The following PROSER1 variants were observed in gnomAD, a reference collection of about 807,000 sequenced individuals.
The protein encoded by PROSER1 is proline and serine-rich protein 1.
In PROSER1, 36 loss-of-function variants were observed where a neutral mutation model predicts 71.8. The observed-to-expected ratio is 0.50, with a 90% CI of 0.38 to 0.66. The LOEUF is 0.66. PROSER1 is among the 30% of genes least tolerant of loss of function. PROSER1 has a pLI of 0.00. For synonymous variants in PROSER1, 490 were observed against 452.4 expected (o/e 1.08, Z -1.06); for missense variants, 1,107 against 1,135.0 (o/e 0.98, Z 0.35).
chr13:39,019,319 T>G (rs1430402436), intron 9 of PROSER1, among the ~76,000 whole-genome samples: 2 of 146,522 alleles, frequency 1.4e-5, no homozygotes, highest in African/African-American at 5.1e-5. Context: ...CTGACTAATG[T>G]GGAGAAACCC....
At chr13:39,012,288 G>C in intron 11 of PROSER1, 55 bp from the exon 12 acceptor site, 1 of 1,526,620 alleles carries the variant, frequency 6.6e-7, no homozygotes, top group Non-Finnish European at 9.0e-7. Flanking sequence ...AAAAGCTACT[G>C]TTTCCATATT....
chr13:39,014,476 G>A lies in PROSER1; in HGVS notation c.776C>T (p.Thr259Ile). The part of the protein sequence containing the change: ...SNPSKPIQNQ[T>I]FSTPASQLFS... ...GAGTTGACTTGCTGGGGTGGAAAAT[G>A]CTATATGGAAGGGGGAAAAAAGGCA... Residue 259 changes from threonine to isoleucine, a missense_variant and splice_region_variant, in exon 11 of 13, where the codon ACA becomes ATA. By Grantham distance (89) the Thr-to-Ile change is moderately conservative. Coordinates refer to ENST00000352251, the MANE Select transcript of PROSER1 (RefSeq NM_025138.5). The A allele has an allele frequency of 1.3e-6, 2 of 1,599,420 alleles. No individual in the cohort carries two copies. Among genetic ancestry groups the A allele is most frequent in the South Asian group, 1.1e-5 (1 of 89,966 alleles).
At chr13:39,015,041 C>T (rs939490970) in intron 10 of PROSER1, among the ~76,000 whole-genome samples, 8 of 152,136 alleles carry the variant, frequency 5.3e-5, no homozygotes, top group Non-Finnish European at 1.2e-4. Flanking sequence ...CCGCTCTACA[C>T]TACATTAACC....
At position 39,013,927 on chromosome 13, in the gene PROSER1, C is replaced by T. The variant is rs774065692; in HGVS notation, c.1325G>A (p.Gly442Asp). Residue 442 changes from glycine to aspartate, a missense_variant, in exon 11 of 13, where the codon GGC becomes GAC. Gly to Asp is a moderately conservative substitution (Grantham distance 94, BLOSUM62 -1). Transcript: ENST00000352251. The part of the protein sequence containing the change: ...LPLPLPPTSQ[G>D]LSNPTPVIAG... Reference sequence around the variant, plus strand: ...AATTACAGGAGTCGGGTTGGATAGGCCTTGGGATGTTGGTGGTAAGGGCAA... The same window carrying T: ...AATTACAGGAGTCGGGTTGGATAGGTCTTGGGATGTTGGTGGTAAGGGCAA... 6.2e-7 allele frequency: 1 copy of T among 1,614,052 alleles called. No homozygotes were observed. The highest frequency in any genetic ancestry group is 1.1e-5 in the South Asian group (1 of 91,086).
chr13:39,013,065 T>G lies in PROSER1; in HGVS notation c.2187A>C (p.Ser729=), dbSNP rs1224783915. 15 of 1,613,876 alleles carry G rather than the reference T, an allele frequency of 9.3e-6. No homozygotes were observed. The East Asian group carries it at 1.1e-4, about 12-fold the overall frequency. The change falls in exon 11 of 13, where the codon TCA becomes TCC. Residue 729 remains serine (S), a synonymous_variant. Transcript: ENST00000352251. ...GAGATGTGGAGGTGGCAGCGGTAGA[T>G]GAGGTGGCTATTAATGACCCTGGGA... ...VSLPGSLIAT[S]STAATSTSLP...
chr13:39,017,722 C>T, intron 9 of PROSER1, 178 bp from the exon 10 acceptor site: 1 of 513,492 alleles, frequency 1.9e-6, no homozygotes. Context: ...ACTATTATTA[C>T]TACTAATACT....
At position 39,037,198 on chromosome 13, in the gene PROSER1, C is replaced by T; in HGVS notation, c.45G>A (p.Lys15=). 1 of 1,601,032 alleles carries T rather than the reference C, an allele frequency of 6.2e-7. No individual in the cohort carries two copies. The highest frequency in any genetic ancestry group is 1.1e-5 in the South Asian group (1 of 90,784). The change falls in exon 1 of 13, where the codon AAG becomes AAA. Residue 15 remains lysine, a splice_region_variant and synonymous_variant. Transcript: ENST00000352251. Reference sequence around the variant, plus strand: ...TAATTCATGGAATCGGTCTAATTACCTTTCTAATTTCATCCAGCACCATTT... The same window carrying T: ...TAATTCATGGAATCGGTCTAATTACTTTTCTAATTTCATCCAGCACCATTT... The part of the protein sequence containing the change: ...SFEMVLDEIR[K]AVLTEYKLKA...
In PROSER1 at chr13:39,023,134, A is replaced by T; in HGVS notation, c.565-4T>A. The T allele has an allele frequency of 6.2e-7, 1 of 1,609,086 alleles. No individual in the cohort carries two copies. Among genetic ancestry groups the T allele is most frequent in the Non-Finnish European group, 8.5e-7 (1 of 1,175,694 alleles). ...GTGGATTATATGTTGAAGGAGGCTA[A>T]AACATGGGGGAAAATACAGCAGTTA... On this transcript the variant is annotated splice_polypyrimidine_tract_variant and splice_region_variant and intron_variant, in intron 7 of 12. Transcript: ENST00000352251.
intron 1 of PROSER1, among the ~76,000 whole-genome samples, chr13:39,036,828 GTATTACC>G (rs1257976298): frequency 6.6e-6 from 1 of 152,120 alleles, no homozygotes; most frequent in Non-Finnish European, 1.5e-5. Context: ...AACTTTCTGC[GTATTACC>G]TCTCGTTTTC....
intron 3 of PROSER1, among the ~76,000 whole-genome samples, 157 bp from the exon 4 acceptor site, chr13:39,029,532 CAATA>C (rs939347103): frequency 1.3e-5 from 2 of 152,152 alleles, no homozygotes; most frequent in African/African-American, 4.8e-5. Flanking sequence ...AAAGTTCTAA[CAATA>C]AATGAATTAT....
chr13:39,024,091 AATC>A (rs1413887799), intron 7 of PROSER1, among the ~76,000 whole-genome samples: 1 of 151,984 alleles, frequency 6.6e-6, no homozygotes, highest in Non-Finnish European at 1.5e-5. Context: ...TTTACATTGC[AATC>A]ATTATAATCA....
intron 11 of PROSER1, 87 bp downstream of exon 11, chr13:39,012,604 G>C (rs1593523911): frequency 2.8e-6 from 3 of 1,087,704 alleles, no homozygotes; most frequent in South Asian, 1.6e-5. Flanking sequence ...TTTAGATTTT[G>C]ACATTCATTT....
intron 7 of PROSER1, chr13:39,023,410 A>C: frequency 3.8e-6 from 1 of 263,652 alleles, no homozygotes; most frequent in Non-Finnish European, 7.2e-6. Flanking sequence ...TAAACAGCAA[A>C]CTCCTCCCAG....
At position 39,012,095 on chromosome 13, in the gene PROSER1, T is replaced by C; in HGVS notation, c.2700A>G (p.Ala900=). The C allele has an allele frequency of 6.2e-7, 1 of 1,613,642 alleles. No individual in the cohort carries two copies. The highest frequency in any genetic ancestry group is 1.3e-5 in the African/African-American group (1 of 75,036). ...CATTGCTGCTTACCTGCTGTAACAA[T>C]GCTGACTGCGCAGCCGCATTATGCT... ...ELQHNAAAQS[A]LLQQVHSASA... Residue 900 remains alanine, a synonymous_variant, in exon 12 of 13, where the codon GCA becomes GCG. Transcript: ENST00000352251.
At chr13:39,017,679 T>C in intron 9 of PROSER1, 135 bp from the exon 10 acceptor site, 1 of 575,016 alleles carries the variant, frequency 1.7e-6, no homozygotes, top group Non-Finnish European at 3.0e-6. Context: ...AATGTACACA[T>C]ATGGGAAAAT....
At chr13:39,036,884 C>A (rs1433935986) in intron 1 of PROSER1, among the ~76,000 whole-genome samples, 4 of 152,112 alleles carry the variant, frequency 2.6e-5, no homozygotes, top group Non-Finnish European at 5.9e-5. Context: ...GCAATAAACT[C>A]AAAAATATTA....
Position 39,017,544 on chromosome 13 carries a change from T to C in PROSER1, c.731A>G (p.Glu244Gly). The C allele has an allele frequency of 6.9e-7, 1 of 1,459,592 alleles. No individual in the cohort carries two copies. The highest frequency in any genetic ancestry group is 1.4e-5 in the African/African-American group (1 of 70,490). 90.4% of individuals were successfully genotyped at this position (1,459,592 alleles called of 1,614,324 possible). Residue 244 changes from glutamate to glycine, a missense_variant and splice_region_variant, in exon 10 of 13, where the codon GAG (glutamate) becomes GGG (glycine). Glu to Gly is a moderately conservative substitution (Grantham distance 98). Transcript: ENST00000352251. ...PPYTPNPVGT[E>G]NEDLSNPSKP... ...TGACGGATTCGAAAGGTCTTCATTC[T>C]CTATATAAAAATAAATAAAAGTTCA...
chr13:39,034,909 T>C (rs936089843), intron 1 of PROSER1, among the ~76,000 whole-genome samples: 3 of 152,148 alleles, frequency 2.0e-5, no homozygotes, highest in Admixed American at 6.5e-5. Flanking sequence ...TATCAGTGGG[T>C]GAGAGAGAAG....
At chr13:39,037,156 G>T in intron 1 of PROSER1, 42 bp downstream of exon 1, 1 of 1,427,360 alleles carries the variant, frequency 7.0e-7, no homozygotes, top group East Asian at 2.3e-5. Flanking sequence ...TAAAACACGA[G>T]AATTCATCTC....
Sources: gnomAD v4.1 joint callset for allele counts (sites outside exome capture counted in the v4.1 genomes callset) on GRCh38, gnomAD v4.1.1 for gene constraint, MANE v1.5 for transcripts, NCBI Gene and HGNC (gene_info 2026-07-23, HGNC 2026-07-21) for gene names.